EDA: variants seen among roughly 807,000 people sequenced by gnomAD.
EDA encodes the protein ectodysplasin-A.
In EDA, 2 loss-of-function variants were observed where a neutral mutation model predicts 23.6. The ratio of observed to expected loss-of-function variants is 0.08; its 90% CI spans 0.03 to 0.27. The LOEUF (loss-of-function observed/expected upper bound fraction) is 0.27. Among genes scored for constraint, EDA ranks in the 10% least tolerant of loss-of-function variants. The pLI is 1.00. For missense variants in EDA, 229 were observed against 324.2 expected, an observed-to-expected ratio of 0.71 and a Z score of 2.26; for synonymous variants, 131 against 132.0, an observed-to-expected ratio of 0.99 and a Z score of 0.05.
chrX:69,812,830 C>T (rs977823814), intron 1 of EDA, among the ~76,000 whole-genome samples: 4 of 111,754 alleles, frequency 3.6e-5, no homozygotes, highest in Admixed American at 1.9e-4. Context: ...TCATTTTGAG[C>T]TTAAGTACTT....
intron 1 of EDA, among the ~76,000 whole-genome samples, chrX:69,780,082 A>G (rs1407835435): frequency 1.8e-5 from 2 of 108,272 alleles, no homozygotes; most frequent in East Asian, 2.9e-4. Flanking sequence ...TTGTATATGT[A>G]TATGTATACA....
At chrX:70,006,894 G>T (rs1005646883) in intron 2 of EDA, among the ~76,000 whole-genome samples, 3 of 110,578 alleles carry the variant, frequency 2.7e-5, no homozygotes, top group Non-Finnish European at 5.7e-5. Flanking sequence ...AGAGTTTTAT[G>T]GTTTTGTGCT....
intron 1 of EDA, among the ~76,000 whole-genome samples, chrX:69,628,357 T>C (rs1932459633): frequency 9.0e-6 from 1 of 111,597 alleles, no homozygotes; most frequent in African/African-American, 3.3e-5. Flanking sequence ...CCACAACTAG[T>C]CAGACTGAGG....
chrX:69,929,704 TTTTGTG>T (rs779159438), intron 1 of EDA, among the ~76,000 whole-genome samples: 72 of 64,373 alleles, frequency 1.1e-3, no homozygotes, highest in Non-Finnish European at 1.3e-3. Context: ...TTCATTCTAT[TTTTGTG>T]TGTGTGTGTG....
rs1351032837 is a variant in EDA at position 69,719,924 on chromosome X, A to AT, written c.396+103225dup. On this transcript the variant is annotated intron_variant, in intron 1 of 7. Coordinates refer to ENST00000374552, the MANE Select transcript of EDA (RefSeq NM_001399.5). ...ACCACCACGCCTGGCTAATTTTTGT[A>AT]TTTTTAGTAGGGATGGGGTTTCACC... Among the ~76,000 whole-genome samples, 132 of 109,660 alleles carry AT rather than the reference A, an allele frequency of 1.2e-3. 1 individual carries two copies. Among genetic ancestry groups the AT allele is most frequent in the Non-Finnish European group, 4.6e-4 (24 of 52,604 alleles).
intron 1 of EDA, among the ~76,000 whole-genome samples, chrX:69,786,116 A>G (rs2015160268): frequency 9.1e-6 from 1 of 109,350 alleles, no homozygotes; most frequent in South Asian, 4.0e-4. Flanking sequence ...GGTAGTTTGT[A>G]TTTCTGTGGG....
intron 1 of EDA, among the ~76,000 whole-genome samples, chrX:69,828,433 G>T (rs1486109651): frequency 8.9e-6 from 1 of 112,138 alleles, no homozygotes; most frequent in Non-Finnish European, 1.9e-5. Flanking sequence ...TTGGAAAAGC[G>T]CAGTATTCGG....
intron 1 of EDA, among the ~76,000 whole-genome samples, chrX:69,682,124 A>G (rs1361082095): frequency 8.9e-6 from 1 of 112,040 alleles, no homozygotes; most frequent in Non-Finnish European, 1.9e-5. Flanking sequence ...CCTCCCAGTT[A>G]GGCTGCTCAG....
chrX:69,841,142 A>T (rs1180169048), intron 1 of EDA, among the ~76,000 whole-genome samples: 5 of 112,294 alleles, frequency 4.5e-5, no homozygotes, highest in Non-Finnish European at 9.4e-5. Context: ...CATGAATTTT[A>T]ACATGTTTGT....
At chrX:69,954,658 A>G (rs1312746344) in intron 1 of EDA, among the ~76,000 whole-genome samples, 1 of 112,082 alleles carries the variant, frequency 8.9e-6, no homozygotes, top group Admixed American at 9.5e-5. Context: ...TATTGCTATT[A>G]CGGGGTTTTT....
intron 1 of EDA, among the ~76,000 whole-genome samples, chrX:69,838,073 A>G (rs2016817740): frequency 8.9e-6 from 1 of 111,957 alleles, no homozygotes; most frequent in African/African-American, 3.2e-5. Context: ...GGCAGCCACA[A>G]TCTCCCCATG....
At chrX:70,020,514 G>A (rs975186586) in intron 2 of EDA, among the ~76,000 whole-genome samples, 18 of 107,528 alleles carry the variant, frequency 1.7e-4, no homozygotes, top group South Asian at 4.1e-4. Context: ...AGCCAAGATC[G>A]CACCACTACA....
At chrX:69,728,028 T>A (rs938275520) in intron 1 of EDA, among the ~76,000 whole-genome samples, 6 of 110,782 alleles carry the variant, frequency 5.4e-5, no homozygotes, top group Non-Finnish European at 1.1e-4. Context: ...GCGGATCACT[T>A]GAGGTCAGGA....
intron 1 of EDA, among the ~76,000 whole-genome samples, chrX:69,754,985 G>T (rs2014050775): frequency 9.0e-6 from 1 of 111,414 alleles, no homozygotes; most frequent in Non-Finnish European, 1.9e-5. Flanking sequence ...TAGCTTCTTT[G>T]CGATGGGTTT....
intron 1 of EDA, among the ~76,000 whole-genome samples, chrX:69,674,107 C>CTATCTATCTATCTATCTATCTA (rs1157408738): frequency 5.9e-4 from 32 of 54,125 alleles, no homozygotes; most frequent in Non-Finnish European, 9.2e-4. Flanking sequence ...AAAAGCCTAT[C>CTATCTATCTATCTATCTATCTA]TATCTATCTA....
intron 2 of EDA, among the ~76,000 whole-genome samples, chrX:69,959,191 C>G (rs967862198): frequency 6.2e-5 from 7 of 112,120 alleles, no homozygotes; most frequent in Non-Finnish European, 1.1e-4. Flanking sequence ...TTCTTATATA[C>G]TTCCCTCCTG....
At chrX:69,729,802 T>C (rs1285991061) in intron 1 of EDA, among the ~76,000 whole-genome samples, 2 of 111,215 alleles carry the variant, frequency 1.8e-5, no homozygotes, top group Admixed American at 1.9e-4. Flanking sequence ...TACCTCTGTC[T>C]AGAATGTTTC....
chrX:69,716,084 T>C (rs1357999173), intron 1 of EDA, among the ~76,000 whole-genome samples: 1 of 112,178 alleles, frequency 8.9e-6, no homozygotes, highest in Non-Finnish European at 1.9e-5. Context: ...AGATCCCATT[T>C]GTCCATTTTT....
intron 1 of EDA, among the ~76,000 whole-genome samples, chrX:69,639,303 G>T (rs1303359334): frequency 9.0e-6 from 1 of 111,438 alleles, no homozygotes; most frequent in Non-Finnish European, 1.9e-5. Context: ...TTGCTGAGTT[G>T]TATGGTAATT....
Sources: allele counts gnomAD v4.1 joint callset (sites outside exome capture counted in the v4.1 genomes callset), GRCh38; gene constraint gnomAD v4.1.1; transcripts MANE v1.5; gene names NCBI Gene and HGNC (gene_info 2026-07-23, HGNC 2026-07-21).